Variants in OLAH observed in about 807,000 individuals in gnomAD.
OLAH encodes oleoyl-ACP hydrolase, also known as S-acyl fatty acid synthase thioesterase, medium chain.
Under a neutral mutation model 27.8 loss-of-function variants are expected in OLAH, and 33 were observed. The ratio of observed to expected loss-of-function variants is 1.19; its 90% confidence interval spans 0.90 to 1.59. The LOEUF (loss-of-function observed/expected upper bound fraction) is 1.59. Ranked by LOEUF, OLAH falls within the 40% of genes most tolerant of loss-of-function variation. The probability of loss-of-function intolerance (pLI) is 0.00; values close to 1 mark genes in which losing one functional copy is unlikely to be tolerated. For missense variants in OLAH, 359 were observed against 310.8 expected, an observed-to-expected ratio of 1.16 and a Z score of -1.17; for synonymous variants, 120 against 102.9, an observed-to-expected ratio of 1.17 and a Z score of -1.01.
intron 1 of OLAH, among the ~76,000 whole-genome samples, chr10:15,038,383 T>C (rs937386550): frequency 4.6e-5 from 7 of 152,100 alleles, no homozygotes; most frequent in Non-Finnish European, 1.0e-4. Flanking sequence ...GGACATAAGA[T>C]TTGGGAGGGG....
chr10:15,045,081 A>G (rs989648808), intron 1 of OLAH, among the ~76,000 whole-genome samples: 11 of 152,188 alleles, frequency 7.2e-5, no homozygotes, highest in African/African-American at 2.4e-4. Flanking sequence ...AAATGAAAGC[A>G]TCTTGAGGAG....
At chr10:15,069,344 C>T (rs542362701) in intron 6 of OLAH, among the ~76,000 whole-genome samples, 37 of 152,230 alleles carry the variant, frequency 2.4e-4, no homozygotes, top group African/African-American at 8.7e-4. Context: ...TGCTTTTATC[C>T]TCCCTGCAGC....
At chr10:15,072,179 G>C (rs1281052559) in intron 7 of OLAH, among the ~76,000 whole-genome samples, 1 of 152,118 alleles carries the variant, frequency 6.6e-6, no homozygotes, top group Non-Finnish European at 1.5e-5. Context: ...TGATCTGCCT[G>C]CCTCGGCCTC....
At chr10:15,062,070 C>A (rs118152843) in intron 4 of OLAH, 1 of 457,576 alleles carries the variant, frequency 2.2e-6, no homozygotes, top group South Asian at 5.0e-5. Context: ...ATAAAGTCAA[C>A]ACTTGTAAAA....
chr10:15,037,677 C>T (rs1440198831), intron 1 of OLAH, among the ~76,000 whole-genome samples: 2 of 152,030 alleles, frequency 1.3e-5, no homozygotes, highest in Non-Finnish European at 2.9e-5. Flanking sequence ...AGATGAAACA[C>T]GACCCATTTC....
intron 1 of OLAH, among the ~76,000 whole-genome samples, chr10:15,034,104 T>A (rs1367303519): frequency 1.1e-5 from 1 of 93,432 alleles, no homozygotes; most frequent in Admixed American, 1.2e-4. Flanking sequence ...ACTCCACCAT[T>A]TTTTTTTTTT....
At chr10:15,039,863 C>T (rs1180611956), upstream of OLAH, among the ~76,000 whole-genome samples, 1 of 152,164 alleles carries the variant, frequency 6.6e-6, no homozygotes, top group Non-Finnish European at 1.5e-5. Flanking sequence ...AAAACTGATC[C>T]TCATCTTATG....
At chr10:15,069,971 T>G (rs1027035451) in intron 6 of OLAH, among the ~76,000 whole-genome samples, 3 of 152,166 alleles carry the variant, frequency 2.0e-5, no homozygotes, top group Non-Finnish European at 4.4e-5. Flanking sequence ...GATTTGAGTC[T>G]TATCGCATGT....
upstream of OLAH, among the ~76,000 whole-genome samples, chr10:15,039,233 A>T (rs756376674): frequency 1.3e-5 from 2 of 152,098 alleles, no homozygotes; most frequent in Non-Finnish European, 2.9e-5. Context: ...CTCTCTAAAA[A>T]AAAAGGGAAT....
At chr10:15,036,853 G>C (rs1399376691) in intron 1 of OLAH, among the ~76,000 whole-genome samples, 2 of 152,126 alleles carry the variant, frequency 1.3e-5, no homozygotes, top group African/African-American at 4.8e-5. Flanking sequence ...GGCTGAGGCA[G>C]GCAGATCACG....
chr10:15,044,488 C>T (rs1041619558), intron 1 of OLAH, among the ~76,000 whole-genome samples: 3 of 150,384 alleles, frequency 2.0e-5, no homozygotes, highest in Non-Finnish European at 4.4e-5. Context: ...AGAGTTTTTC[C>T]CTGTCACCCA....
intron 1 of OLAH, among the ~76,000 whole-genome samples, chr10:15,033,858 C>T (rs76782347): frequency 1.3e-3 from 199 of 152,242 alleles, no homozygotes; most frequent in African/African-American, 4.4e-3. Context: ...TAATAGTTTT[C>T]CCAAGGGTCC....
intron 5 of OLAH, 39 bp from the exon 6 acceptor site, chr10:15,065,545 T>A: frequency 1.3e-6 from 2 of 1,568,258 alleles, no homozygotes; most frequent in Non-Finnish European, 1.7e-6. Context: ...AAGTGTGTTA[T>A]ATGAAATATC....
intron 4 of OLAH, among the ~76,000 whole-genome samples, chr10:15,063,718 T>C (rs945981810): frequency 1.3e-5 from 2 of 152,218 alleles, no homozygotes; most frequent in African/African-American, 4.8e-5. Context: ...TAAGAAATTT[T>C]AAAGACGTTT....
intron 3 of OLAH, among the ~76,000 whole-genome samples, chr10:15,057,395 C>CTTTTTTT (rs10717821): frequency 2.1e-5 from 2 of 93,218 alleles, no homozygotes; most frequent in Non-Finnish European, 4.0e-5. Flanking sequence ...TATTTCTGGG[C>CTTTTTTT]TTTTTTTTTT....
At chr10:15,047,396 T>C in intron 2 of OLAH, 76 bp downstream of exon 2, 1 of 1,432,178 alleles carries the variant, frequency 7.0e-7, no homozygotes, top group Non-Finnish European at 9.7e-7. Flanking sequence ...ACGGCTCCCT[T>C]TTTAGTTTGA....
rs1400130071 is a variant in OLAH at position 15,051,297 on chromosome 10, T to C, written c.163+1532T>C. ...CATAGTCTTTACTAAATTCACATTG[T>C]TAACAATCAGAATTCTTAACAATTC... On this transcript the variant is annotated intron_variant, in intron 3 of 7. Transcript: ENST00000378228. Among the ~76,000 whole-genome samples the C allele has an allele frequency of 3.3e-5, 5 of 152,266 alleles. No homozygotes were observed. In the East Asian group the frequency reaches 7.7e-4, roughly 24 times the overall value.
chr10:15,071,966 C>T (rs898428812), intron 7 of OLAH, 89 bp downstream of exon 7: 85 of 905,530 alleles, frequency 9.4e-5, no homozygotes, highest in Non-Finnish European at 1.0e-4. Flanking sequence ...CAGAGTCTCG[C>T]CCTGTCACCC....
At chr10:15,036,078 C>T (rs1843836946) in intron 1 of OLAH, among the ~76,000 whole-genome samples, 1 of 152,218 alleles carries the variant, frequency 6.6e-6, no homozygotes, top group Admixed American at 6.5e-5. Flanking sequence ...ACACGACCTG[C>T]TAAGAAGGTC....
Sources: allele counts gnomAD v4.1 joint callset (sites outside exome capture counted in the v4.1 genomes callset), GRCh38; gene constraint gnomAD v4.1.1; transcripts MANE v1.5; gene names NCBI Gene and HGNC (gene_info 2026-07-23, HGNC 2026-07-21).